The following CACNA2D1 variants were observed in gnomAD, a reference collection of about 807,000 sequenced individuals.
CACNA2D1 encodes calcium voltage-gated channel auxiliary subunit alpha2delta 1, also known as voltage-dependent calcium channel subunit alpha-2/delta-1.
Under a neutral mutation model 171.5 loss-of-function variants are expected in CACNA2D1, and 53 were observed. That is an observed-to-expected ratio of 0.31 (90% CI 0.25 to 0.39). The LOEUF (loss-of-function observed/expected upper bound fraction) is 0.39, where lower values mean the gene tolerates loss of function less well. CACNA2D1 is among the 10% of genes least tolerant of loss of function. The probability of loss-of-function intolerance (pLI) is 1.00; values close to 1 mark genes in which losing one functional copy is unlikely to be tolerated. For missense variants in CACNA2D1, 903 were observed against 1,299.8 expected (o/e 0.69, Z 4.69); for synonymous variants, 442 against 443.1 (o/e 1.00, Z 0.03).
chr7:82,347,618 G>A (rs974674422), intron 2 of CACNA2D1, among the ~76,000 whole-genome samples: 1 of 152,010 alleles, frequency 6.6e-6, no homozygotes, highest in African/African-American at 2.4e-5. Context: ...AGGCAATACG[G>A]AATCATCTGT....
At chr7:81,994,805 T>C (rs1797878471) in intron 20 of CACNA2D1, 63 bp downstream of exon 20, 2 of 823,680 alleles carry the variant, frequency 2.4e-6, no homozygotes, top group Admixed American at 1.8e-5. Flanking sequence ...AAAGGACAAG[T>C]TACCAATATC....
At chr7:82,035,152 G>GTATA (rs2131174975) in intron 11 of CACNA2D1, among the ~76,000 whole-genome samples, 1 of 152,068 alleles carries the variant, frequency 6.6e-6, no homozygotes, top group South Asian at 2.1e-4. Context: ...CTGTGTGCCA[G>GTATA]TATATAGCAC....
rs1287219235 is a variant in CACNA2D1 at position 82,136,864 on chromosome 7, T to C, written c.355-188A>G. ...TATTAAAACCGTTTATCAGTGATAT[T>C]ACATCTTGCATTGGGAAAAAGATCC... is the stretch of plus-strand genomic sequence containing the variant. On this transcript the variant is annotated intron_variant, in intron 4 of 38. Transcript: ENST00000356860. 2.6e-5 allele frequency among the ~76,000 whole-genome samples: 4 copies of C among 152,140 alleles called. No individual in the cohort carries two copies. The East Asian group carries it at 7.7e-4, about 29-fold the overall frequency.
rs745826962 is a variant in CACNA2D1 at position 81,951,469 on chromosome 7, C to T, written c.3160-961G>A. On this transcript the variant is annotated intron_variant, in intron 38 of 38. Coordinates refer to ENST00000356860, the MANE Select transcript of CACNA2D1 (RefSeq NM_000722.4). ...GTCACCCAAGCAATGTACAATGCAC[C>T]GAATGTATGTAGTACTTTATCCCTT... Among the ~76,000 whole-genome samples the T allele has an allele frequency of 5.0e-4, 76 of 152,048 alleles. No homozygotes were observed. The Middle Eastern group carries it at 0.01, about 20-fold the overall frequency.
intron 6 of CACNA2D1, among the ~76,000 whole-genome samples, chr7:82,088,854 G>A (rs779747187): frequency 6.6e-6 from 1 of 151,912 alleles, no homozygotes; most frequent in Non-Finnish European, 1.5e-5. Flanking sequence ...ATGGAGGTGG[G>A]ACATGGTTTC....
intron 34 of CACNA2D1, among the ~76,000 whole-genome samples, chr7:81,962,906 T>C (rs1174413230): frequency 2.0e-5 from 3 of 152,102 alleles, no homozygotes; most frequent in Non-Finnish European, 4.4e-5. Flanking sequence ...GTTTATACCA[T>C]GGGTTTGAAT....
intron 5 of CACNA2D1, among the ~76,000 whole-genome samples, chr7:82,133,618 A>G (rs2129073425): frequency 6.6e-6 from 1 of 152,332 alleles, no homozygotes; most frequent in African/African-American, 2.4e-5. Flanking sequence ...ATTTATGTGT[A>G]AAGATGTACT....
At chr7:82,429,486 T>A (rs1829489942) in intron 1 of CACNA2D1, among the ~76,000 whole-genome samples, 1 of 152,154 alleles carries the variant, frequency 6.6e-6, no homozygotes, top group Admixed American at 6.5e-5. Flanking sequence ...GGAGCCAATT[T>A]ACTTCACATG....
At chr7:82,072,127 T>G (rs757719763) in intron 7 of CACNA2D1, among the ~76,000 whole-genome samples, 1 of 152,152 alleles carries the variant, frequency 6.6e-6, no homozygotes, top group African/African-American at 2.4e-5. Context: ...GGTCAGGACT[T>G]TTCTCAATCA....
Position 82,297,390 on chromosome 7 carries a change from G to T in CACNA2D1, c.294+37745C>A, listed in dbSNP as rs541963671. On this transcript the variant is annotated intron_variant, in intron 3 of 38. Transcript: ENST00000356860. ...CCACACCTGTTAATACTTCCTTTGT[G>T]GGGGGAGATGTTGAATGGCAAGCTA... Among the ~76,000 whole-genome samples, 8 of 152,234 alleles carry T rather than the reference G, an allele frequency of 5.3e-5. No individual in the cohort carries two copies. In the South Asian group the frequency reaches 6.2e-4, roughly 12 times the overall value.
intron 3 of CACNA2D1, among the ~76,000 whole-genome samples, chr7:82,213,212 T>C (rs1169827347): frequency 6.6e-6 from 1 of 152,178 alleles, no homozygotes; most frequent in Non-Finnish European, 1.5e-5. Flanking sequence ...AATATCCTGG[T>C]TCTTAAGTAA....
chr7:82,403,634 A>G (rs980678194), intron 1 of CACNA2D1, among the ~76,000 whole-genome samples: 1 of 152,214 alleles, frequency 6.6e-6, no homozygotes, highest in Non-Finnish European at 1.5e-5. Context: ...TCTTTCTAGA[A>G]GCACTTGGGT....
chr7:82,226,470 A>G (rs764686335), intron 3 of CACNA2D1, among the ~76,000 whole-genome samples: 2 of 152,120 alleles, frequency 1.3e-5, no homozygotes, highest in South Asian at 2.1e-4. Context: ...AAAGGGGAGG[A>G]CTGATTTAAC....
chr7:82,197,656 G>T (rs1209068572), intron 3 of CACNA2D1, among the ~76,000 whole-genome samples: 1 of 152,202 alleles, frequency 6.6e-6, no homozygotes, highest in African/African-American at 2.4e-5. Flanking sequence ...TACGTGGCAT[G>T]TGCCTCAGGG....
At chr7:82,055,798 G>T (rs1210745799) in intron 10 of CACNA2D1, among the ~76,000 whole-genome samples, 2 of 142,662 alleles carry the variant, frequency 1.4e-5, no homozygotes, top group African/African-American at 2.6e-5. Context: ...AGCATTAGGA[G>T]ATATACCTAA....
intron 3 of CACNA2D1, among the ~76,000 whole-genome samples, chr7:82,282,221 C>G (rs900795405): frequency 6.6e-6 from 1 of 152,120 alleles, no homozygotes; most frequent in Admixed American, 6.5e-5. Context: ...TCCCTTGAAC[C>G]CAGGAGGCGG....
chr7:81,998,286 T>G (rs987065978), intron 18 of CACNA2D1, among the ~76,000 whole-genome samples: 1 of 152,098 alleles, frequency 6.6e-6, no homozygotes, highest in Non-Finnish European at 1.5e-5. Context: ...TACCTAAATC[T>G]GATAACTAGA....
chr7:82,047,019 T>C (rs920824529), intron 10 of CACNA2D1, among the ~76,000 whole-genome samples: 2 of 152,154 alleles, frequency 1.3e-5, no homozygotes, highest in Admixed American at 6.6e-5. Flanking sequence ...ATTGAAAGTA[T>C]GCTGTTCTTT....
intron 3 of CACNA2D1, among the ~76,000 whole-genome samples, chr7:82,215,408 C>T (rs1800995763): frequency 6.6e-6 from 1 of 152,112 alleles, no homozygotes; most frequent in Non-Finnish European, 1.5e-5. Flanking sequence ...CAGCAGAACG[C>T]AGACCAAACC....
Sources: gnomAD v4.1 joint callset for allele counts (sites outside exome capture counted in the v4.1 genomes callset) on GRCh38, gnomAD v4.1.1 for gene constraint, MANE v1.5 for transcripts, NCBI Gene and HGNC (gene_info 2026-07-23, HGNC 2026-07-21) for gene names.